CCDC181: variants seen among roughly 807,000 people sequenced by gnomAD.
CCDC181 encodes the protein coiled-coil domain-containing protein 181.
CCDC181 carries 35 observed loss-of-function variants against 58.7 expected under a neutral mutation model. The observed-to-expected ratio is 0.60, with a 90% CI of 0.46 to 0.79. The LOEUF is 0.79. Ranked by LOEUF, CCDC181 falls within the 30% of genes least tolerant of loss-of-function variation. CCDC181 has a pLI of 0.00. For synonymous variants in CCDC181, 183 were observed against 197.5 expected, an observed-to-expected ratio of 0.93 and a Z score of 0.62; for missense variants, 517 against 583.9, an observed-to-expected ratio of 0.89 and a Z score of 1.18.
chr1:169,433,676 G>A (rs1427531798), intron 2 of CCDC181, among the ~76,000 whole-genome samples: 1 of 152,000 alleles, frequency 6.6e-6, no homozygotes, highest in Non-Finnish European at 1.5e-5. Flanking sequence ...GAAACTCCGA[G>A]GGGAAAGGAT....
chr1:169,445,178 T>A (rs1356109090), intron 2 of CCDC181, among the ~76,000 whole-genome samples: 1 of 152,180 alleles, frequency 6.6e-6, no homozygotes, highest in African/African-American at 2.4e-5. Flanking sequence ...CTCCTTCCTA[T>A]CGTTCAGATG....
chr1:169,457,143 G>A (rs1172775309), intron 2 of CCDC181, among the ~76,000 whole-genome samples: 1 of 152,012 alleles, frequency 6.6e-6, no homozygotes, highest in Non-Finnish European at 1.5e-5. Context: ...TATATATGAT[G>A]TCTTTTCTCT....
At chr1:169,439,865 C>T (rs1657162559) in intron 2 of CCDC181, among the ~76,000 whole-genome samples, 1 of 152,062 alleles carries the variant, frequency 6.6e-6, no homozygotes, top group Non-Finnish European at 1.5e-5. Flanking sequence ...TCAGCCATCC[C>T]ATCTCCTCTC....
At chr1:169,429,445 C>A (rs1429570355), upstream of CCDC181, among the ~76,000 whole-genome samples, 1 of 152,144 alleles carries the variant, frequency 6.6e-6, no homozygotes, top group Non-Finnish European at 1.5e-5. Flanking sequence ...CCCTGTTCAC[C>A]ACATCCATGC....
chr1:169,459,114 T>C (rs1657763313), intron 2 of CCDC181, among the ~76,000 whole-genome samples: 1 of 152,196 alleles, frequency 6.6e-6, no homozygotes, highest in South Asian at 2.1e-4. Context: ...TTTCCTACCA[T>C]AAACACATAA....
chr1:169,423,627 C>T lies in CCDC181; in HGVS notation c.117+1184G>A, dbSNP rs377334937. ...CTATATATATCCCTAGCACCTAGAA[C>T]AGCCTCTGATATGATAGGTGATCAT... On this transcript the variant is annotated intron_variant, in intron 2 of 5. Coordinates refer to ENST00000367806, the MANE Select transcript of CCDC181 (RefSeq NM_001300969.2). 4.2e-4 allele frequency among the ~76,000 whole-genome samples: 64 copies of T among 152,146 alleles called. No homozygotes were observed. The East Asian group carries it at 7.9e-3, about 19-fold the overall frequency.
At chr1:169,413,146 A>G (rs1244875968) in intron 4 of CCDC181, among the ~76,000 whole-genome samples, 1 of 152,214 alleles carries the variant, frequency 6.6e-6, no homozygotes, top group African/African-American at 2.4e-5. Flanking sequence ...GCTAATATCC[A>G]GAATCTACAA....
At chr1:169,459,315 A>G (rs1657769094) in intron 2 of CCDC181, among the ~76,000 whole-genome samples, 1 of 152,266 alleles carries the variant, frequency 6.6e-6, no homozygotes, top group Non-Finnish European at 1.5e-5. Flanking sequence ...AACTCTATCA[A>G]TGCAGAGGCT....
intron 2 of CCDC181, among the ~76,000 whole-genome samples, chr1:169,441,207 A>C (rs760518140): frequency 6.6e-6 from 1 of 152,192 alleles, no homozygotes; most frequent in Non-Finnish European, 1.5e-5. Flanking sequence ...TATTGAGTTC[A>C]CATTACTGAA....
At chr1:169,440,453 G>T (rs1028803473) in intron 2 of CCDC181, among the ~76,000 whole-genome samples, 3 of 152,216 alleles carry the variant, frequency 2.0e-5, no homozygotes, top group African/African-American at 7.2e-5. Flanking sequence ...GGAGACTGGA[G>T]TTTTATTATC....
rs2102106841 is a variant in CCDC181 at position 169,427,359 on chromosome 1, C to G, written c.-95G>C. ...TCTCCTCTCCTCCTCTTTCTAAGCT[C>G]TTCACATTGAGGCAAAGGAGACCCC... On this transcript the variant is annotated 5_prime_UTR_variant, in exon 1 of 6. Transcript: ENST00000367806. 1 of 152,476 alleles carries G rather than the reference C, an allele frequency of 6.6e-6. No individual in the cohort carries two copies. Among genetic ancestry groups the G allele is most frequent in the South Asian group, 2.1e-4 (1 of 4,832 alleles). 9.4% of individuals were successfully genotyped at this position (152,476 alleles called of 1,614,324 possible). A position where few individuals can be genotyped will look rare whatever the true frequency, so the allele number is the denominator to read the frequency against.
At position 169,397,410 on chromosome 1, in the gene CCDC181, T is replaced by C; in HGVS notation, c.1216-19A>G. On this transcript the variant is annotated intron_variant, in intron 4 of 5. Coordinates refer to ENST00000367806, the MANE Select transcript of CCDC181 (RefSeq NM_001300969.2). Reference sequence around the variant, plus strand: ...TTTCCTGCTGATTAGAAAAACAAGCTTTACTTAGTTTAGATAAACAAGAAC... The same window carrying C: ...TTTCCTGCTGATTAGAAAAACAAGCCTTACTTAGTTTAGATAAACAAGAAC... 6.3e-7 allele frequency: 1 copy of C among 1,584,500 alleles called. No individual in the cohort carries two copies. Among genetic ancestry groups the C allele is most frequent in the Non-Finnish European group, 8.6e-7 (1 of 1,167,892 alleles).
chr1:169,445,845 A>T (rs1657358292), intron 2 of CCDC181, among the ~76,000 whole-genome samples: 1 of 152,020 alleles, frequency 6.6e-6, no homozygotes, highest in African/African-American at 2.4e-5. Flanking sequence ...TTTTTCAAGG[A>T]GGTAGTGCAT....
At chr1:169,439,939 T>C (rs1421508382) in intron 2 of CCDC181, among the ~76,000 whole-genome samples, 4 of 152,078 alleles carry the variant, frequency 2.6e-5, no homozygotes, top group African/African-American at 9.7e-5. Context: ...TCTCTTCTTC[T>C]CTGCTGCTCC....
Position 169,427,459 on chromosome 1 carries a change from C to G in CCDC181, c.-195G>C, listed in dbSNP as rs1421942963. 2 of 152,350 alleles carry G rather than the reference C, an allele frequency of 1.3e-5. No homozygotes were observed. Among genetic ancestry groups the G allele is most frequent in the African/African-American group, 4.8e-5 (2 of 41,464 alleles). 9.4% of individuals were successfully genotyped at this position (152,350 alleles called of 1,614,324 possible). A position where few individuals can be genotyped will look rare whatever the true frequency, so the allele number is the denominator to read the frequency against. Reference sequence around the variant, plus strand: ...GCCTCTGCGTCCTCCATCCGGGCCTCTCTAACTACGAGAGCGACAAAAATC... The same window carrying G: ...GCCTCTGCGTCCTCCATCCGGGCCTGTCTAACTACGAGAGCGACAAAAATC... On this transcript the variant is annotated 5_prime_UTR_variant, in exon 1 of 6. Transcript: ENST00000367806.
intron 4 of CCDC181, among the ~76,000 whole-genome samples, chr1:169,410,561 C>T (rs1655910834): frequency 6.6e-6 from 1 of 152,204 alleles, no homozygotes; most frequent in Non-Finnish European, 1.5e-5. Context: ...ATCTATAGAA[C>T]TCTCCACCTT....
chr1:169,422,015 T>A lies in CCDC181; in HGVS notation c.416A>T (p.Gln139Leu). 6.2e-7 allele frequency: 1 copy of A among 1,614,134 alleles called. No individual in the cohort carries two copies. Among genetic ancestry groups the A allele is most frequent in the Non-Finnish European group, 8.5e-7 (1 of 1,180,012 alleles). Residue 139 changes from glutamine to leucine, a missense_variant, in exon 3 of 6, where the codon CAG becomes CTG. By Grantham distance (113) the Gln-to-Leu change is moderately radical. Transcript: ENST00000367806. ...TTTATCATTCACCGGTTCTTGATTCTGTAGAAGCTTGTTAGCTTGTACAAT... is the reference window on the plus strand; with the variant it reads ...TTTATCATTCACCGGTTCTTGATTCAGTAGAAGCTTGTTAGCTTGTACAAT... The part of the protein sequence containing the change: ...EKIVQANKLL[Q>L]NQEPVNDKRE...
At chr1:169,395,663 A>G (rs1446766002) in intron 5 of CCDC181, among the ~76,000 whole-genome samples, 1 of 152,248 alleles carries the variant, frequency 6.6e-6, no homozygotes, top group Non-Finnish European at 1.5e-5. Flanking sequence ...TTTTAAGTCC[A>G]CAAAATAGTT....
At chr1:169,432,018 C>A (rs898776817), upstream of CCDC181, among the ~76,000 whole-genome samples, 1 of 151,888 alleles carries the variant, frequency 6.6e-6, no homozygotes, top group African/African-American at 2.4e-5. Context: ...AATTGAACAC[C>A]CAGAGAAAGG....
Sources: allele counts gnomAD v4.1 joint callset (sites outside exome capture counted in the v4.1 genomes callset), GRCh38; gene constraint gnomAD v4.1.1; transcripts MANE v1.5; gene names NCBI Gene and HGNC (gene_info 2026-07-23, HGNC 2026-07-21).